TRABD2B: variants seen among roughly 807,000 people sequenced by gnomAD.
TRABD2B encodes the protein TraB domain containing 2B.
TRABD2B carries 14 observed loss-of-function variants against 40.1 expected under a neutral mutation model. That is an observed-to-expected ratio of 0.35 (90% CI 0.23 to 0.55). TRABD2B has a LOEUF of 0.55. TRABD2B is among the 20% of genes least tolerant of loss of function. TRABD2B has a pLI of 0.90. For missense variants in TRABD2B, 541 were observed against 648.6 expected (o/e 0.83, Z 1.80); for synonymous variants, 263 against 277.0 (o/e 0.95, Z 0.50).
At chr1:47,914,598 G>C (rs1329836952) in intron 2 of TRABD2B, among the ~76,000 whole-genome samples, 1 of 152,232 alleles carries the variant, frequency 6.6e-6, no homozygotes, top group African/African-American at 2.4e-5. Flanking sequence ...TACACAAGGA[G>C]TGGCTTCCAA....
chr1:47,858,100 C>T (rs1010540526), intron 2 of TRABD2B, among the ~76,000 whole-genome samples: 2 of 151,978 alleles, frequency 1.3e-5, no homozygotes, highest in African/African-American at 2.4e-5. Context: ...CTTTATCATA[C>T]GTACGCATTG....
chr1:47,838,384 T>A (rs1645347219), intron 2 of TRABD2B, among the ~76,000 whole-genome samples: 1 of 152,160 alleles, frequency 6.6e-6, no homozygotes, highest in Non-Finnish European at 1.5e-5. Flanking sequence ...GTGGTGAGCA[T>A]CCATCTCTGG....
At chr1:47,830,033 C>T (rs1167223995) in intron 2 of TRABD2B, among the ~76,000 whole-genome samples, 2 of 152,066 alleles carry the variant, frequency 1.3e-5, no homozygotes, top group Admixed American at 6.5e-5. Flanking sequence ...GCCTAAATTC[C>T]ATCCGTCCTT....
At chr1:47,924,082 C>T (rs1644940149) in intron 2 of TRABD2B, among the ~76,000 whole-genome samples, 2 of 152,066 alleles carry the variant, frequency 1.3e-5, no homozygotes, top group South Asian at 4.1e-4. Context: ...AAAGGGGCAG[C>T]TGTAGAGCCT....
chr1:47,783,009 A>G (rs1557563216), intron 4 of TRABD2B, among the ~76,000 whole-genome samples: 1 of 152,036 alleles, frequency 6.6e-6, no homozygotes, highest in Non-Finnish European at 1.5e-5. Context: ...GGATGAGAAG[A>G]GGAGGAAACA....
intron 2 of TRABD2B, among the ~76,000 whole-genome samples, chr1:47,989,613 C>G (rs937307399): frequency 6.6e-6 from 1 of 152,054 alleles, no homozygotes; most frequent in Non-Finnish European, 1.5e-5. Context: ...TAGCTGATGC[C>G]CAGAATGTCT....
chr1:47,833,264 C>T (rs1317273731), intron 2 of TRABD2B, among the ~76,000 whole-genome samples: 2 of 152,112 alleles, frequency 1.3e-5, no homozygotes, highest in Admixed American at 6.6e-5. Context: ...ATTTACCTGA[C>T]CCTGGGCTCT....
chr1:47,957,771 T>C (rs946130550), intron 2 of TRABD2B, among the ~76,000 whole-genome samples: 4 of 152,206 alleles, frequency 2.6e-5, no homozygotes, highest in African/African-American at 9.6e-5. Context: ...TGGAACCAAG[T>C]TGGAAAACAC....
intron 2 of TRABD2B, among the ~76,000 whole-genome samples, chr1:47,888,898 T>G (rs1056550042): frequency 6.6e-6 from 1 of 152,206 alleles, no homozygotes; most frequent in Non-Finnish European, 1.5e-5. Flanking sequence ...AGCTACTGAA[T>G]GATGGGGGCT....
chr1:47,861,489 A>G lies in TRABD2B; in HGVS notation c.667-59870T>C, dbSNP rs539109770. 5.2e-4 allele frequency among the ~76,000 whole-genome samples: 79 copies of G among 152,338 alleles called. 1 individual carries two copies. The highest frequency in any genetic ancestry group is 1.9e-3 in the African/African-American group (79 of 41,568). On this transcript the variant is annotated intron_variant, in intron 2 of 6. Transcript: ENST00000606738. Reference sequence around the variant, plus strand: ...ATTCCATGGACATTAAATGGAAAATAATAAGACACAACTTGATAACCTAGA... The same window carrying G: ...ATTCCATGGACATTAAATGGAAAATGATAAGACACAACTTGATAACCTAGA...
intron 2 of TRABD2B, among the ~76,000 whole-genome samples, chr1:47,881,291 C>G (rs1164447168): frequency 6.6e-6 from 1 of 152,102 alleles, no homozygotes; most frequent in Non-Finnish European, 1.5e-5. Flanking sequence ...TCTCTGTGTG[C>G]CCCTGTGTCA....
chr1:47,950,970 C>T (rs1403160812), intron 2 of TRABD2B, among the ~76,000 whole-genome samples: 1 of 152,226 alleles, frequency 6.6e-6, no homozygotes, highest in African/African-American at 2.4e-5. Flanking sequence ...GGTTTCATTT[C>T]CGTGGGCACA....
chr1:47,775,804 G>A (rs1423531988), intron 5 of TRABD2B, among the ~76,000 whole-genome samples: 1 of 152,140 alleles, frequency 6.6e-6, no homozygotes, highest in African/African-American at 2.4e-5. Flanking sequence ...TAACTGCCGA[G>A]GAGCAAATGA....
rs538527706 is a variant in TRABD2B at position 47,924,252 on chromosome 1, A to T, written c.666+69782T>A. Reference sequence around the variant, plus strand: ...CATCTTGGCTGCTTCCAGGAACTGGACTCAGAAGACCAAGGTTTACCCCCT... The same window carrying T: ...CATCTTGGCTGCTTCCAGGAACTGGTCTCAGAAGACCAAGGTTTACCCCCT... On this transcript the variant is annotated intron_variant, in intron 2 of 6. Transcript: ENST00000606738. Among the ~76,000 whole-genome samples the T allele has an allele frequency of 2.0e-5, 3 of 152,300 alleles. No individual in the cohort carries two copies. The East Asian group carries it at 5.8e-4, about 29-fold the overall frequency.
intron 2 of TRABD2B, among the ~76,000 whole-genome samples, chr1:47,873,589 C>G (rs1644176296): frequency 6.6e-6 from 1 of 152,168 alleles, no homozygotes; most frequent in Non-Finnish European, 1.5e-5. Context: ...GCTGCATCAT[C>G]TTCCAGATGT....
rs74774657 is a variant in TRABD2B at position 47,893,900 on chromosome 1, A to G, written c.667-92281T>C. 4.7e-3 allele frequency among the ~76,000 whole-genome samples: 714 copies of G among 152,220 alleles called. 5 individuals carry two copies. The highest frequency in any genetic ancestry group is 0.015 in the African/African-American group (641 of 41,530). On this transcript the variant is annotated intron_variant, in intron 2 of 6. Coordinates refer to ENST00000606738, the MANE Select transcript of TRABD2B (RefSeq NM_001194986.2). The stretch of plus-strand genomic sequence containing the variant: ...GGATCCTGGCTTTGGTGATGGAATC[A>G]CCAAAAAGCGATTTGTGAGACAATG...
intron 2 of TRABD2B, among the ~76,000 whole-genome samples, chr1:47,930,259 A>G (rs1475160216): frequency 6.6e-6 from 1 of 152,240 alleles, no homozygotes; most frequent in Non-Finnish European, 1.5e-5. Flanking sequence ...CAGGTGATTT[A>G]TGAGGGAAAT....
chr1:47,950,660 C>G (rs1645329423), intron 2 of TRABD2B, among the ~76,000 whole-genome samples: 1 of 152,170 alleles, frequency 6.6e-6, no homozygotes, highest in East Asian at 1.9e-4. Flanking sequence ...TGGCTGCAGA[C>G]AAGCAAACAA....
intron 3 of TRABD2B, among the ~76,000 whole-genome samples, chr1:47,798,797 G>A (rs1297021657): frequency 2.0e-5 from 3 of 152,092 alleles, no homozygotes; most frequent in Admixed American, 6.6e-5. Flanking sequence ...CACAGCCTCC[G>A]TATCCTCAGT....
Sources: allele counts gnomAD v4.1 joint callset (sites outside exome capture counted in the v4.1 genomes callset), GRCh38; gene constraint gnomAD v4.1.1; transcripts MANE v1.5; gene names NCBI Gene and HGNC (gene_info 2026-07-23, HGNC 2026-07-21).